The following MUSK variants were observed in gnomAD, a reference collection of about 807,000 sequenced individuals.
MUSK encodes muscle, skeletal receptor tyrosine-protein kinase.
MUSK carries 55 observed loss-of-function variants against 88.7 expected under a neutral mutation model. The ratio of observed to expected loss-of-function variants is 0.62; its 90% CI spans 0.50 to 0.78. MUSK has a LOEUF of 0.78. Among genes scored for constraint, MUSK ranks in the 30% least tolerant of loss-of-function variants. The pLI, the probability that MUSK is intolerant of heterozygous loss-of-function variation, is 0.00. For missense variants in MUSK, 1,015 were observed against 1,074.3 expected, an observed-to-expected ratio of 0.94 and a Z score of 0.77; for synonymous variants, 387 against 391.9, an observed-to-expected ratio of 0.99 and a Z score of 0.15.
Position 110,800,565 on chromosome 9 carries a change from G to C in MUSK, c.2187G>C (p.Arg729Ser). ...RKFVHRDLATRNCLVGENMVV... is the reference protein window; with the variant it reads ...RKFVHRDLATSNCLVGENMVV... Reference sequence around the variant, plus strand: ...TTGTTCACCGAGATTTAGCCACCAGGAACTGCCTGGTGGGCGAGAACATGG... The same window carrying C: ...TTGTTCACCGAGATTTAGCCACCAGCAACTGCCTGGTGGGCGAGAACATGG... The change falls in exon 15 of 15, where the codon AGG (arginine) becomes AGC (serine). Residue 729 changes from arginine (R) to serine (S), a missense_variant. Coordinates refer to ENST00000374448, the MANE Select transcript of MUSK (RefSeq NM_005592.4). 1 of 1,613,272 alleles carries C rather than the reference G, an allele frequency of 6.2e-7. No homozygotes were observed. The highest frequency in any genetic ancestry group is 8.5e-7 in the Non-Finnish European group (1 of 1,179,684).
At chr9:110,749,712 C>G (rs868099484) in intron 7 of MUSK, among the ~76,000 whole-genome samples, 3 of 152,150 alleles carry the variant, frequency 2.0e-5, no homozygotes, top group South Asian at 2.1e-4. Context: ...TGAACAGCAG[C>G]AGCAGCATTG....
intron 1 of MUSK, among the ~76,000 whole-genome samples, chr9:110,675,245 A>G (rs1017215477): frequency 1.6e-5 from 2 of 124,030 alleles, no homozygotes; most frequent in East Asian, 2.4e-4. Context: ...TTTTTGAGAC[A>G]GAGTCTTGCA....
chr9:110,753,240 G>A (rs965985600), intron 7 of MUSK, among the ~76,000 whole-genome samples: 1 of 152,102 alleles, frequency 6.6e-6, no homozygotes, highest in Non-Finnish European at 1.5e-5. Flanking sequence ...AGACCAGCTT[G>A]GGCAACATGG....
intron 3 of MUSK, among the ~76,000 whole-genome samples, chr9:110,694,933 A>G (rs540956313): frequency 6.6e-6 from 1 of 152,274 alleles, no homozygotes; most frequent in African/African-American, 2.4e-5. Context: ...TTAATTAATA[A>G]TCATAAAATT....
At chr9:110,688,760 C>A (rs1249852936) in intron 3 of MUSK, among the ~76,000 whole-genome samples, 1 of 151,764 alleles carries the variant, frequency 6.6e-6, no homozygotes, top group East Asian at 1.9e-4. Flanking sequence ...TAATGGCTTC[C>A]AACTCCATCC....
chr9:110,689,743 T>TATAA (rs1417062202), intron 3 of MUSK, among the ~76,000 whole-genome samples: 2 of 74,140 alleles, frequency 2.7e-5, no homozygotes, highest in East Asian at 6.3e-4. Context: ...ATATATAATA[T>TATAA]TATATATTAT....
intron 9 of MUSK, among the ~76,000 whole-genome samples, chr9:110,768,371 T>C (rs921555585): frequency 1.3e-5 from 2 of 152,004 alleles, no homozygotes; most frequent in African/African-American, 4.8e-5. Context: ...GGTGGTGCAC[T>C]TGTAATCCCA....
chr9:110,685,819 T>C (rs1323008509), intron 2 of MUSK, among the ~76,000 whole-genome samples: 1 of 152,178 alleles, frequency 6.6e-6, no homozygotes, highest in Admixed American at 6.6e-5. Context: ...CGTATTTCTA[T>C]TAACAGTCTC....
At chr9:110,689,169 CTATA>C (rs2076244289) in intron 3 of MUSK, among the ~76,000 whole-genome samples, 1 of 92,624 alleles carries the variant, frequency 1.1e-5, no homozygotes, top group African/African-American at 5.3e-5. Context: ...TATAAATAAA[CTATA>C]TATTTATATA....
intron 5 of MUSK, among the ~76,000 whole-genome samples, chr9:110,723,234 T>TACACACACAC (rs143582345): frequency 0.028 from 4,042 of 146,712 alleles, 156 homozygotes; most frequent in African/African-American, 0.082. Flanking sequence ...TACATATACA[T>TACACACACAC]ACACACACAC....
chr9:110,788,122 T>C, intron 14 of MUSK: 1 of 371,410 alleles, frequency 2.7e-6, no homozygotes, highest in South Asian at 3.0e-5. Flanking sequence ...TAATACTGCT[T>C]CTCCATCACA....
In MUSK at chr9:110,738,156, T is replaced by C. The variant is rs539671573; in HGVS notation, c.753+3781T>C. ...GCTACTTAGTTGATGTTAATTTTTC[T>C]ATCTATCAAATCACCTCTTTTTATC... On this transcript the variant is annotated intron_variant, in intron 6 of 14. Coordinates refer to ENST00000374448, the MANE Select transcript of MUSK (RefSeq NM_005592.4). Among the ~76,000 whole-genome samples, 37 of 152,176 alleles carry C rather than the reference T, an allele frequency of 2.4e-4. 1 individual carries two copies. The South Asian group carries it at 7.7e-3, about 32-fold the overall frequency.
intron 2 of MUSK, 139 bp downstream of exon 2, chr9:110,682,939 T>C: frequency 1.9e-6 from 1 of 526,598 alleles, no homozygotes; most frequent in East Asian, 3.1e-5. Context: ...GAGAATGGGG[T>C]ATCCATCCCC....
chr9:110,690,236 AAG>A lies in MUSK; in HGVS notation c.358+2969_358+2970del, dbSNP rs1430561336. Among the ~76,000 whole-genome samples the A allele has an allele frequency of 1.9e-3, 141 of 74,348 alleles. 1 individual carries two copies. The highest frequency in any genetic ancestry group is 9.1e-3 in the African/African-American group (127 of 13,894). 48.8% of individuals were successfully genotyped at this position (74,348 alleles called of 152,430 possible). On this transcript the variant is annotated intron_variant, in intron 3 of 14. Transcript: ENST00000374448. ...TATATTTAAGTATAAATATATATTT[AAG>A]TATATATAAATATATATAAATATAT...
At chr9:110,790,965 AT>A (rs1385068540) in intron 14 of MUSK, among the ~76,000 whole-genome samples, 5 of 152,212 alleles carry the variant, frequency 3.3e-5, no homozygotes, top group Admixed American at 2.0e-4. Flanking sequence ...ATTGAGGCAA[AT>A]AAGAGAGGTG....
intron 11 of MUSK, among the ~76,000 whole-genome samples, chr9:110,780,216 T>G (rs2077729876): frequency 6.6e-6 from 1 of 152,208 alleles, no homozygotes; most frequent in East Asian, 1.9e-4. Flanking sequence ...CTTTACTTGT[T>G]ACTGGTTATG....
chr9:110,782,586 A>G (rs1319701085), intron 11 of MUSK, among the ~76,000 whole-genome samples: 1 of 152,206 alleles, frequency 6.6e-6, no homozygotes, highest in Admixed American at 6.5e-5. Flanking sequence ...CATGTTATAT[A>G]TGGTGTGAGA....
chr9:110,731,399 A>G (rs1305625881), intron 5 of MUSK, among the ~76,000 whole-genome samples: 1 of 152,108 alleles, frequency 6.6e-6, no homozygotes, highest in African/African-American at 2.4e-5. Context: ...ATAAGGAAAC[A>G]TTTGAGTAGA....
At chr9:110,683,320 T>C (rs1564211670) in intron 2 of MUSK, among the ~76,000 whole-genome samples, 1 of 152,178 alleles carries the variant, frequency 6.6e-6, no homozygotes, top group African/African-American at 2.4e-5. Flanking sequence ...CTCATTCTTT[T>C]TATGGCTGAA....
Sources: allele counts gnomAD v4.1 joint callset (sites outside exome capture counted in the v4.1 genomes callset), GRCh38; gene constraint gnomAD v4.1.1; transcripts MANE v1.5; gene names NCBI Gene and HGNC (gene_info 2026-07-23, HGNC 2026-07-21).